KLF17: variants seen among roughly 807,000 people sequenced by gnomAD.
KLF17 encodes the protein KLF transcription factor 17.
KLF17 carries 31 observed loss-of-function variants against 34.2 expected under a neutral mutation model. That is an observed-to-expected ratio of 0.91 (90% CI 0.68 to 1.22). KLF17 has a LOEUF of 1.22. KLF17 is among the 50% of genes most tolerant of loss of function. KLF17 has a pLI of 0.00. For missense variants in KLF17, 478 were observed against 505.2 expected (o/e 0.95, Z 0.52); for synonymous variants, 179 against 186.7 (o/e 0.96, Z 0.34).
At chr1:44,051,220 A>G in the KLF17 span, 2 of 152,356 alleles carry the variant, frequency 1.3e-5, no homozygotes, top group Non-Finnish European at 2.9e-5. Flanking sequence ...AGAAGCAGTC[A>G]GTGATGGAGG....
Position 44,129,304 on chromosome 1 carries a change from A to G in KLF17, c.82-49A>G, listed in dbSNP as rs1236322708. On this transcript the variant is annotated intron_variant, in intron 1 of 3. Coordinates refer to ENST00000372299, the MANE Select transcript of KLF17 (RefSeq NM_173484.4). ...GGGTCTGGGGATGAAGAGGAGGAAC[A>G]TGTGGAACTGGAATTTGAGCAAAAA... 14 of 1,506,644 alleles carry G rather than the reference A, an allele frequency of 9.3e-6. No individual in the cohort carries two copies. The Admixed American group carries it at 1.2e-4, about 12-fold the overall frequency. The allele number at this position is 1,506,644 out of a possible 1,614,324, so 93.3% of individuals were successfully genotyped here.
intron 1 of KLF17, among the ~76,000 whole-genome samples, chr1:44,123,234 T>G (rs2087969429): frequency 6.6e-6 from 1 of 151,774 alleles, no homozygotes; most frequent in African/African-American, 2.4e-5. Context: ...ATTTTTAGGG[T>G]TTTTTTGTAG....
the KLF17 span, among the ~76,000 whole-genome samples, chr1:44,047,778 A>T: frequency 6.6e-6 from 1 of 152,184 alleles, no homozygotes; most frequent in African/African-American, 2.4e-5. Flanking sequence ...ACACATGGGT[A>T]GCTTAGATAG....
the KLF17 span, among the ~76,000 whole-genome samples, chr1:44,097,217 C>T: frequency 6.7e-6 from 1 of 149,102 alleles, no homozygotes. Flanking sequence ...TGTTTTGGTA[C>T]CAGTACCATG....
intron 1 of KLF17, among the ~76,000 whole-genome samples, chr1:44,127,663 T>TTTCTTTCTTTC (rs2088033075): frequency 1.2e-5 from 1 of 84,916 alleles, no homozygotes; most frequent in African/African-American, 5.2e-5. Flanking sequence ...TCTTTCTTTC[T>TTTCTTTCTTTC]TTCTTTCTTT....
chr1:44,095,258 G>A, the KLF17 span, among the ~76,000 whole-genome samples: 11 of 139,724 alleles, frequency 7.9e-5, no homozygotes, highest in African/African-American at 1.4e-4. Context: ...TCTTATTGCC[G>A]AGGCTGGAGT....
At chr1:44,132,324 G>C (rs2088121388) in intron 3 of KLF17, among the ~76,000 whole-genome samples, 1 of 151,160 alleles carries the variant, frequency 6.6e-6, no homozygotes, top group Non-Finnish European at 1.5e-5. Context: ...TTTTTTTTTT[G>C]ACTAGTGGAA....
the KLF17 span, chr1:44,104,358 A>C: frequency 8.4e-7 from 1 of 1,192,342 alleles, no homozygotes; most frequent in South Asian, 1.2e-5. Flanking sequence ...GCTCTGGAAC[A>C]TGTTGTCCGT....
the KLF17 span, among the ~76,000 whole-genome samples, chr1:44,071,529 GC>G: frequency 6.2e-3 from 948 of 151,998 alleles, 9 homozygotes; most frequent in African/African-American, 0.018. Flanking sequence ...ATCCACTCAG[GC>G]CCCAAGCTCA....
the KLF17 span, among the ~76,000 whole-genome samples, chr1:44,052,683 C>T: frequency 6.6e-6 from 1 of 152,148 alleles, no homozygotes; most frequent in Non-Finnish European, 1.5e-5. Flanking sequence ...GGAAAAGTAA[C>T]TAGGCATTTG....
At chr1:44,081,496 A>G in the KLF17 span, among the ~76,000 whole-genome samples, 1 of 149,860 alleles carries the variant, frequency 6.7e-6, no homozygotes, top group Non-Finnish European at 1.5e-5. Flanking sequence ...GCTCACTGCA[A>G]CCTCCACCTC....
intron 1 of KLF17, among the ~76,000 whole-genome samples, chr1:44,126,728 A>G (rs2088011901): frequency 6.6e-6 from 1 of 152,144 alleles, no homozygotes; most frequent in South Asian, 2.1e-4. Flanking sequence ...TTCTTGGTCT[A>G]ACTTTTAGCA....
chr1:44,129,913 G>A lies in KLF17; in HGVS notation c.642G>A (p.Pro214=), dbSNP rs201024510. 59 of 1,614,132 alleles carry A rather than the reference G, an allele frequency of 3.7e-5. 2 individuals carry two copies. Among genetic ancestry groups the A allele is most frequent in the South Asian group, 1.1e-4 (10 of 91,072 alleles). ...VLPSMAQMLP[P]QDAHDLGMPP... Reference sequence around the variant, plus strand: ...CCTCCATGGCTCAGATGTTGCCCCCGCAAGATGCCCATGACCTTGGGATGC... The same window carrying A: ...CCTCCATGGCTCAGATGTTGCCCCCACAAGATGCCCATGACCTTGGGATGC... The change falls in exon 2 of 4, where the codon CCG becomes CCA. Residue 214 remains proline (P), a synonymous_variant. Coordinates refer to ENST00000372299, the MANE Select transcript of KLF17 (RefSeq NM_173484.4).
At position 44,129,705 on chromosome 1, in the gene KLF17, G is replaced by T. The variant is rs765655179; in HGVS notation, c.434G>T (p.Arg145Met). 4.3e-6 allele frequency: 7 copies of T among 1,614,184 alleles called. No homozygotes were observed. The highest frequency in any genetic ancestry group is 5.9e-6 in the Non-Finnish European group (7 of 1,180,024). Residue 145 changes from arginine (R) to methionine (M), a missense_variant, in exon 2 of 4, where the codon AGG becomes ATG. By Grantham distance (91) the Arg-to-Met change is moderately conservative. Coordinates refer to ENST00000372299, the MANE Select transcript of KLF17 (RefSeq NM_173484.4). ...GAGCCCAATATTCCAAGGGTAGCCA[G>T]GCCCTTCGGTGGGAATCTAAGGATG... Reference protein sequence around the residue: ...VGEPNIPRVARPFGGNLRMPP... With the variant: ...VGEPNIPRVAMPFGGNLRMPP...
the KLF17 span, among the ~76,000 whole-genome samples, chr1:44,099,837 G>GAAAGAAAGAAAGAAAGAAAGAAAA: frequency 1.5e-4 from 3 of 19,458 alleles, no homozygotes; most frequent in African/African-American, 7.6e-4. Flanking sequence ...AAGAAAGAAA[G>GAAAGAAAGAAAGAAAGAAAGAAAA]AAAGAAAGAA....
At chr1:44,051,793 T>C in the KLF17 span, among the ~76,000 whole-genome samples, 5 of 152,132 alleles carry the variant, frequency 3.3e-5, no homozygotes, top group Admixed American at 1.3e-4. Flanking sequence ...CAAGGCCTCC[T>C]GTTGTGTTGT....
chr1:44,127,672 T>TTCTC (rs1263004912), intron 1 of KLF17, among the ~76,000 whole-genome samples: 1 of 51,420 alleles, frequency 1.9e-5, no homozygotes, highest in African/African-American at 6.1e-5. Flanking sequence ...CTTTCTTTCT[T>TTCTC]TCTTTCTTTC....
chr1:44,122,648 G>T (rs2087962072), intron 1 of KLF17: 2 of 601,940 alleles, frequency 3.3e-6, no homozygotes, highest in Admixed American at 2.5e-5. Context: ...AGGCTGGAGT[G>T]CAGTGGCACG....
chr1:44,102,391 A>G, the KLF17 span, among the ~76,000 whole-genome samples: 3 of 151,952 alleles, frequency 2.0e-5, no homozygotes, highest in African/African-American at 7.2e-5. Context: ...TGTCTCTACT[A>G]AAAATACAAA....
Sources: gnomAD v4.1 joint callset for allele counts (sites outside exome capture counted in the v4.1 genomes callset) on GRCh38, gnomAD v4.1.1 for gene constraint, MANE v1.5 for transcripts, NCBI Gene and HGNC (gene_info 2026-07-23, HGNC 2026-07-21) for gene names.